Variants in PARD3B observed in about 807,000 individuals in gnomAD.
PARD3B encodes partitioning defective 3 homolog B.
Under a neutral mutation model 130.2 loss-of-function variants are expected in PARD3B, and 103 were observed. The ratio of observed to expected loss-of-function variants is 0.79; its 90% CI spans 0.67 to 0.93. PARD3B has a LOEUF of 0.93. Among genes scored for constraint, PARD3B ranks in the 40% least tolerant of loss-of-function variants. The pLI is 0.00. For synonymous variants in PARD3B, 583 were observed against 553.2 expected, an observed-to-expected ratio of 1.05 and a Z score of -0.76; for missense variants, 1,609 against 1,499.2, an observed-to-expected ratio of 1.07 and a Z score of -1.21.
chr2:205,608,678 A>C (rs1379110036), intron 22 of PARD3B, among the ~76,000 whole-genome samples: 1 of 152,226 alleles, frequency 6.6e-6, no homozygotes, highest in Non-Finnish European at 1.5e-5. Context: ...TGATAGGATG[A>C]AACACTCTTA....
Position 205,008,590 on chromosome 2 carries a change from A to T in PARD3B, c.395-38991A>T, listed in dbSNP as rs114881494. On this transcript the variant is annotated intron_variant, in intron 3 of 22. Coordinates refer to ENST00000406610, the MANE Select transcript of PARD3B (RefSeq NM_001302769.2). Reference sequence around the variant, plus strand: ...TATTAGATTTATAATGCTGAACAATAAATGCAATTCAGCTTTATGTATCTC... The same window carrying T: ...TATTAGATTTATAATGCTGAACAATTAATGCAATTCAGCTTTATGTATCTC... Among the ~76,000 whole-genome samples the T allele has an allele frequency of 5.4e-3, 830 of 152,342 alleles. 9 individuals are homozygous for T. Among genetic ancestry groups the T allele is most frequent in the African/African-American group, 0.018 (736 of 41,580 alleles).
chr2:205,319,633 T>C (rs1004059777), intron 18 of PARD3B, among the ~76,000 whole-genome samples: 6 of 152,194 alleles, frequency 3.9e-5, no homozygotes, highest in African/African-American at 1.4e-4. Context: ...TTAGTGGGAC[T>C]CTATCTAATT....
At chr2:204,753,040 T>A (rs185844146) in intron 2 of PARD3B, among the ~76,000 whole-genome samples, 1 of 152,350 alleles carries the variant, frequency 6.6e-6, no homozygotes, top group East Asian at 1.9e-4. Context: ...TGGGTAAGTT[T>A]AGGTAACGCC....
At chr2:205,006,317 G>C (rs1695261890) in intron 3 of PARD3B, among the ~76,000 whole-genome samples, 1 of 151,930 alleles carries the variant, frequency 6.6e-6, no homozygotes, top group Non-Finnish European at 1.5e-5. Context: ...TTTTCCTTTG[G>C]GTAGATACTA....
intron 3 of PARD3B, among the ~76,000 whole-genome samples, chr2:204,986,264 A>ATG (rs1693149411): frequency 6.6e-6 from 1 of 152,132 alleles, no homozygotes; most frequent in Admixed American, 6.6e-5. Context: ...GCCTGCCAGT[A>ATG]TGTAACCCAA....
At chr2:204,845,824 T>C (rs1407472110) in intron 2 of PARD3B, among the ~76,000 whole-genome samples, 1 of 152,182 alleles carries the variant, frequency 6.6e-6, no homozygotes, top group Non-Finnish European at 1.5e-5. Flanking sequence ...CTAAATGATA[T>C]GTATAGATAT....
intron 22 of PARD3B, among the ~76,000 whole-genome samples, chr2:205,603,531 C>T (rs2054872051): frequency 1.3e-5 from 2 of 152,178 alleles, no homozygotes; most frequent in South Asian, 2.1e-4. Context: ...AATCTGGGTG[C>T]TCCTGTATTG....
At chr2:204,607,721 T>G (rs2033778283) in intron 1 of PARD3B, among the ~76,000 whole-genome samples, 2 of 152,090 alleles carry the variant, frequency 1.3e-5, no homozygotes, top group Non-Finnish European at 2.9e-5. Context: ...CTGTTCTGAG[T>G]GCCCAGAGAA....
intron 2 of PARD3B, among the ~76,000 whole-genome samples, chr2:204,780,343 A>G (rs1323569255): frequency 1.3e-5 from 2 of 152,150 alleles, no homozygotes; most frequent in African/African-American, 2.4e-5. Context: ...ATTATCTAAA[A>G]TTATAGAATT....
intron 20 of PARD3B, among the ~76,000 whole-genome samples, chr2:205,443,895 G>A (rs2047812381): frequency 6.6e-6 from 1 of 152,172 alleles, no homozygotes; most frequent in African/African-American, 2.4e-5. Context: ...CCAGCACTTT[G>A]GGAGTCCGGG....
At chr2:205,117,883 T>C (rs2030031961) in intron 6 of PARD3B, among the ~76,000 whole-genome samples, 1 of 110,042 alleles carries the variant, frequency 9.1e-6, no homozygotes, top group Admixed American at 1.0e-4. Flanking sequence ...AGTTTTGGTT[T>C]ATATATGTAA....
At chr2:205,602,714 T>A (rs1373418586) in intron 22 of PARD3B, among the ~76,000 whole-genome samples, 2 of 152,200 alleles carry the variant, frequency 1.3e-5, no homozygotes, top group Non-Finnish European at 2.9e-5. Flanking sequence ...AGTGGTGTTA[T>A]CCCCTTTATC....
At chr2:205,071,953 G>A (rs576747418) in intron 4 of PARD3B, among the ~76,000 whole-genome samples, 3 of 151,732 alleles carry the variant, frequency 2.0e-5, no homozygotes, top group Non-Finnish European at 4.4e-5. Flanking sequence ...AGCAATTTTT[G>A]TGCTTGTGTG....
intron 2 of PARD3B, among the ~76,000 whole-genome samples, chr2:204,956,045 A>C (rs959587863): frequency 2.6e-5 from 4 of 152,194 alleles, no homozygotes; most frequent in African/African-American, 9.6e-5. Context: ...TGTTATGGTT[A>C]AATGTCAGGA....
intron 18 of PARD3B, among the ~76,000 whole-genome samples, chr2:205,331,439 G>A (rs2043125291): frequency 6.6e-6 from 1 of 151,992 alleles, no homozygotes; most frequent in Admixed American, 6.6e-5. Context: ...TAGGGTGGAG[G>A]TGTGATGTTC....
Position 205,461,369 on chromosome 2 carries a change from C to T in PARD3B, c.3044+20697C>T, listed in dbSNP as rs2048447729. Among the ~76,000 whole-genome samples, 1 of 152,184 alleles carries T rather than the reference C, an allele frequency of 6.6e-6. No individual in the cohort carries two copies. Among genetic ancestry groups the T allele is most frequent in the Non-Finnish European group, 1.5e-5 (1 of 68,042 alleles). ...CAACACCAAGCAAGAGGATAAAGAG[C>T]AGAGGCTTAGTAAATGGATGAGTCA... On this transcript the variant is annotated intron_variant, in intron 20 of 22. Transcript: ENST00000406610. The surrounding 1 kb of genome is among the most constrained non-coding windows in gnomAD (Gnocchi z 4.3).
intron 13 of PARD3B, among the ~76,000 whole-genome samples, chr2:205,178,538 A>C (rs2035614879): frequency 6.6e-6 from 1 of 152,238 alleles, no homozygotes; most frequent in Non-Finnish European, 1.5e-5. Context: ...AGCCTGGGAA[A>C]GGAATGGCAA....
At position 205,591,421 on chromosome 2, in the gene PARD3B, AG is replaced by A. The variant is rs989895428; in HGVS notation, c.3261-24033del. 3.3e-5 allele frequency among the ~76,000 whole-genome samples: 5 copies of A among 152,236 alleles called. No individual in the cohort carries two copies. The highest frequency in any genetic ancestry group is 9.6e-5 in the African/African-American group (4 of 41,468). On this transcript the variant is annotated intron_variant, in intron 22 of 22. Coordinates refer to ENST00000406610, the MANE Select transcript of PARD3B (RefSeq NM_001302769.2). This position sits in a 1 kb window ranked among gnomAD's most constrained non-coding sequence, Gnocchi z 4.2. ...TCAAGAATAAATAAAAAGTTGGGGCAGGAATAATAATAACTGCCTACCATTA... is the reference window on the plus strand; with the variant it reads ...TCAAGAATAAATAAAAAGTTGGGGCAGAATAATAATAACTGCCTACCATTA...
At chr2:205,023,746 TTTCTC>T (rs951992275) in intron 3 of PARD3B, among the ~76,000 whole-genome samples, 64 of 152,022 alleles carry the variant, frequency 4.2e-4, no homozygotes, top group Non-Finnish European at 1.2e-4. Context: ...GTTTTAGGCT[TTTCTC>T]TTTTAAAGGA....
Sources: allele counts gnomAD v4.1 joint callset (sites outside exome capture counted in the v4.1 genomes callset), GRCh38; gene constraint gnomAD v4.1.1; non-coding constraint Gnocchi (gnomAD v3.1); transcripts MANE v1.5; gene names NCBI Gene and HGNC (gene_info 2026-07-23, HGNC 2026-07-21).